Variants in ROBO1 observed in about 807,000 individuals in gnomAD.
ROBO1 encodes the protein roundabout guidance receptor 1.
In ROBO1, 149 loss-of-function variants were observed where a neutral mutation model predicts 195.9. That is an observed-to-expected ratio of 0.76 (90% CI 0.67 to 0.87). The LOEUF (loss-of-function observed/expected upper bound fraction) is 0.87. Ranked by LOEUF, ROBO1 falls within the 40% of genes least tolerant of loss-of-function variation. The pLI is 0.00. For synonymous variants in ROBO1, 816 were observed against 733.2 expected (o/e 1.11, Z -1.82); for missense variants, 1,933 against 2,068.3 (o/e 0.93, Z 1.27).
chr3:78,659,334 T>A (rs1179659437), intron 17 of ROBO1, among the ~76,000 whole-genome samples: 3 of 152,146 alleles, frequency 2.0e-5, no homozygotes, highest in Non-Finnish European at 4.4e-5. Flanking sequence ...AAAAATCTTT[T>A]GAAAATAAAA....
At chr3:78,630,765 T>C (rs559832947) in intron 25 of ROBO1, among the ~76,000 whole-genome samples, 1 of 152,300 alleles carries the variant, frequency 6.6e-6, no homozygotes, top group East Asian at 1.9e-4. Context: ...TAAGAACAAA[T>C]AGCCTTCAGG....
At chr3:79,356,717 T>G (rs530369807) in intron 2 of ROBO1, among the ~76,000 whole-genome samples, 1 of 152,316 alleles carries the variant, frequency 6.6e-6, no homozygotes, top group East Asian at 1.9e-4. Context: ...TTGTTTCCAC[T>G]TCTGCAATCC....
At chr3:79,260,883 A>G (rs924610174) in intron 2 of ROBO1, among the ~76,000 whole-genome samples, 13 of 152,232 alleles carry the variant, frequency 8.5e-5, no homozygotes, top group African/African-American at 3.1e-4. Flanking sequence ...ATAATTATTC[A>G]CCTATAATCT....
intron 2 of ROBO1, among the ~76,000 whole-genome samples, chr3:79,148,292 C>T (rs911826500): frequency 1.3e-5 from 2 of 151,802 alleles, no homozygotes; most frequent in Admixed American, 6.6e-5. Context: ...AGAAGAAAGA[C>T]TGAAAGACTA....
At chr3:78,694,361 C>T (rs2081241057) in intron 8 of ROBO1, among the ~76,000 whole-genome samples, 1 of 152,106 alleles carries the variant, frequency 6.6e-6, no homozygotes, top group South Asian at 2.1e-4. Flanking sequence ...GATACACATT[C>T]CTATAGTTTA....
intron 1 of ROBO1, among the ~76,000 whole-genome samples, chr3:79,698,727 T>C (rs1947520649): frequency 6.6e-6 from 1 of 151,558 alleles, no homozygotes; most frequent in Non-Finnish European, 1.5e-5. Context: ...AGAGAGAAAG[T>C]ATTGCTGGCA....
intron 2 of ROBO1, among the ~76,000 whole-genome samples, chr3:79,406,798 C>A (rs891246317): frequency 3.3e-5 from 5 of 152,056 alleles, no homozygotes; most frequent in Non-Finnish European, 5.9e-5. Context: ...TGAGACAATT[C>A]TTTTTTCTTC....
intron 2 of ROBO1, among the ~76,000 whole-genome samples, chr3:79,385,539 C>T (rs2036710678): frequency 6.6e-6 from 1 of 152,072 alleles, no homozygotes; most frequent in Admixed American, 6.6e-5. Context: ...CCAGCTAATC[C>T]TAAAGGCGAC....
intron 1 of ROBO1, among the ~76,000 whole-genome samples, chr3:79,741,912 G>A (rs905103635): frequency 2.0e-5 from 3 of 152,206 alleles, no homozygotes; most frequent in Admixed American, 2.0e-4. Flanking sequence ...CCCTGCTCTA[G>A]GGATCTGTGA....
At chr3:78,968,371 T>C (rs1227310996) in intron 3 of ROBO1, among the ~76,000 whole-genome samples, 1 of 151,188 alleles carries the variant, frequency 6.6e-6, no homozygotes, top group Non-Finnish European at 1.5e-5. Context: ...GCTTCCCAGG[T>C]TCAACCAATT....
intron 3 of ROBO1, among the ~76,000 whole-genome samples, chr3:78,945,147 T>C (rs947291253): frequency 1.3e-5 from 2 of 152,168 alleles, no homozygotes; most frequent in Non-Finnish European, 2.9e-5. Flanking sequence ...TAAATGTCCC[T>C]CTCTGACAGC....
At chr3:78,842,629 G>A (rs116817533) in intron 4 of ROBO1, among the ~76,000 whole-genome samples, 4,059 of 147,034 alleles carry the variant, frequency 0.028, 338 homozygotes, top group Non-Finnish European at 0.041. Context: ...CTAAGCACAC[G>A]AAATAATACT....
rs1576589825 is a variant in ROBO1, at chr3:79,030,126, A to T, written c.173-91199T>A. Among the ~76,000 whole-genome samples, 3 of 152,244 alleles carry T rather than the reference A, an allele frequency of 2.0e-5. No homozygotes were observed. The South Asian group carries it at 6.2e-4, about 32-fold the overall frequency. On this transcript the variant is annotated intron_variant, in intron 3 of 30. Transcript: ENST00000464233. The stretch of plus-strand genomic sequence containing the variant: ...CTTTTGGCATTTCATCTAACTATCC[A>T]TTTCCTAATGGAAACCGGCAATTGC...
At chr3:79,101,588 C>T (rs970746046) in intron 3 of ROBO1, among the ~76,000 whole-genome samples, 1 of 151,754 alleles carries the variant, frequency 6.6e-6, no homozygotes, top group Non-Finnish European at 1.5e-5. Context: ...TCATCCTCAC[C>T]GTTTTCTTTG....
chr3:79,498,044 G>A (rs982939286), intron 2 of ROBO1, among the ~76,000 whole-genome samples: 31 of 152,024 alleles, frequency 2.0e-4, no homozygotes, highest in African/African-American at 7.5e-4. Context: ...AACTATCATC[G>A]AATCTCATCT....
At chr3:79,254,765 A>G (rs985420903) in intron 2 of ROBO1, among the ~76,000 whole-genome samples, 1 of 152,132 alleles carries the variant, frequency 6.6e-6, no homozygotes, top group African/African-American at 2.4e-5. Context: ...ATTGGGTGTA[A>G]GCTTCTCCAA....
At chr3:79,388,430 T>C (rs1054730882) in intron 2 of ROBO1, among the ~76,000 whole-genome samples, 37 of 151,908 alleles carry the variant, frequency 2.4e-4, no homozygotes, top group African/African-American at 8.7e-4. Flanking sequence ...GGGGGGCAGG[T>C]AGAGAGGGGA....
intron 2 of ROBO1, among the ~76,000 whole-genome samples, chr3:79,571,672 G>A (rs567932381): frequency 6.6e-6 from 1 of 152,136 alleles, no homozygotes; most frequent in South Asian, 2.1e-4. Context: ...TACTTCCTAT[G>A]TGTTTTGATT....
chr3:78,790,435 T>G (rs886320280), intron 4 of ROBO1, among the ~76,000 whole-genome samples: 16 of 152,200 alleles, frequency 1.1e-4, no homozygotes, highest in Non-Finnish European at 1.2e-4. Flanking sequence ...GAGATATTCA[T>G]CACTTCAAGC....
Sources: gnomAD v4.1 joint callset for allele counts (sites outside exome capture counted in the v4.1 genomes callset) on GRCh38, gnomAD v4.1.1 for gene constraint, MANE v1.5 for transcripts, NCBI Gene and HGNC (gene_info 2026-07-23, HGNC 2026-07-21) for gene names.